Variants in PCDHA7 observed in about 807,000 individuals in gnomAD.
The protein encoded by PCDHA7 is protocadherin alpha 7, also known as protocadherin alpha-7.
In PCDHA7, 37 loss-of-function variants were observed where a neutral mutation model predicts 57.2. That is an observed-to-expected ratio of 0.65 (90% CI 0.50 to 0.85). PCDHA7 has a LOEUF of 0.85. PCDHA7 is among the 40% of genes least tolerant of loss of function. PCDHA7 has a pLI of 0.00. For missense variants in PCDHA7, 1,188 were observed against 1,241.8 expected (o/e 0.96, Z 0.65); for synonymous variants, 553 against 558.8 (o/e 0.99, Z 0.15).
At chr5:140,880,620 A>C (rs2058397773) in intron 1 of PCDHA7, among the ~76,000 whole-genome samples, 1 of 152,170 alleles carries the variant, frequency 6.6e-6, no homozygotes, top group Non-Finnish European at 1.5e-5. Context: ...AAGAGGGAGG[A>C]GTTAATTATC....
chr5:140,875,356 G>C (rs2055432006), intron 1 of PCDHA7: 5 of 1,446,352 alleles, frequency 3.5e-6, no homozygotes, highest in Admixed American at 5.7e-5. Context: ...TGACTGTGAT[G>C]CTGGAAAAAA....
intron 1 of PCDHA7, among the ~76,000 whole-genome samples, chr5:140,942,450 C>A (rs1017198131): frequency 6.6e-6 from 1 of 151,378 alleles, no homozygotes; most frequent in African/African-American, 2.4e-5. Flanking sequence ...AGTAAACTAT[C>A]AATTATAATA....
At chr5:140,955,401 A>T (rs1202478496) in intron 1 of PCDHA7, among the ~76,000 whole-genome samples, 2 of 152,122 alleles carry the variant, frequency 1.3e-5, no homozygotes, top group African/African-American at 4.8e-5. Flanking sequence ...TATCCCATAC[A>T]GTTCTCATGA....
In PCDHA7 at chr5:140,858,295, G is replaced by T. The variant is rs190932191; in HGVS notation, c.2355+21557G>T. 8.8e-5 allele frequency: 140 copies of T among 1,597,360 alleles called. 13 individuals are homozygous for T. Among genetic ancestry groups the T allele is most frequent in the African/African-American group, 2.6e-4 (19 of 74,394 alleles). The stretch of plus-strand genomic sequence containing the variant: ...GCGCGGTGGGGAGCTGGTCTTACTC[G>T]CAGCAGAGGCGGCAGAGGGTGTGTT... On this transcript the variant is annotated intron_variant, in intron 1 of 3. Transcript: ENST00000525929.
intron 1 of PCDHA7, among the ~76,000 whole-genome samples, chr5:140,955,070 G>A (rs755676357): frequency 2.2e-4 from 34 of 152,166 alleles, no homozygotes; most frequent in Non-Finnish European, 4.1e-4. Context: ...GTTTGTTGAA[G>A]ATCAGATGGT....
intron 3 of PCDHA7, among the ~76,000 whole-genome samples, chr5:140,987,258 G>A (rs1292743876): frequency 6.6e-6 from 1 of 151,918 alleles, no homozygotes; most frequent in Non-Finnish European, 1.5e-5. Context: ...ACATTCTCAG[G>A]AATGGGACCC....
intron 1 of PCDHA7, among the ~76,000 whole-genome samples, chr5:140,906,837 A>C (rs543572104): frequency 2.0e-4 from 31 of 152,292 alleles, no homozygotes; most frequent in African/African-American, 7.5e-4. Flanking sequence ...GACTGATTTC[A>C]TCTTGAGAGT....
rs371868883 is a variant in PCDHA7 at position 140,856,649 on chromosome 5, C to A, written c.2355+19911C>A. ...GCTTGTTCTGCGGAAGCTGCTGGAT[C>A]GTGAAGAAAATCCTCAGCTAAAGTT... On this transcript the variant is annotated intron_variant, in intron 1 of 3. Transcript: ENST00000525929. 8 of 1,598,072 alleles carry A rather than the reference C, an allele frequency of 5.0e-6. 2 individuals carry two copies. The African/African-American group carries it at 6.7e-5, about 13-fold the overall frequency.
At position 140,836,224 on chromosome 5, in the gene PCDHA7, T is replaced by A; in HGVS notation, c.1841T>A (p.Val614Glu). ...NAWLSYELQPVAAGASIPFRV... is the reference protein window; with the variant it reads ...NAWLSYELQPEAAGASIPFRV... ...TGGCTTTCGTATGAGTTGCAACCGG[T>A]GGCGGCCGGTGCGAGCATCCCGTTC... Residue 614 changes from valine to glutamate, a missense_variant, in exon 1 of 4, where the codon GTG becomes GAG. By Grantham distance (121) the Val-to-Glu change is moderately radical. Around this residue, in one of 3 missense-constraint regions of PCDHA7, gnomAD observed 892 missense variants for 788.5 expected, o/e 1.13. Coordinates refer to ENST00000525929, the MANE Select transcript of PCDHA7 (RefSeq NM_018910.3). 6.2e-7 allele frequency: 1 copy of A among 1,613,758 alleles called. No homozygotes were observed. The highest frequency in any genetic ancestry group is 8.5e-7 in the Non-Finnish European group (1 of 1,179,794).
At chr5:140,854,883 G>A (rs1356000756) in intron 1 of PCDHA7, among the ~76,000 whole-genome samples, 2 of 149,592 alleles carry the variant, frequency 1.3e-5, no homozygotes, top group Admixed American at 1.3e-4. Flanking sequence ...TGTCTTTTGG[G>A]CATTTGAAAA....
intron 1 of PCDHA7, chr5:140,871,184 A>G (rs2052793987): frequency 6.2e-7 from 1 of 1,613,434 alleles, no homozygotes; most frequent in African/African-American, 1.3e-5. Context: ...GCGCTGGTGG[A>G]TGTCAACGTG....
chr5:140,886,847 AG>A lies in PCDHA7; in HGVS notation c.2355+50110del, dbSNP rs1299329603. ...GTCTTGAAAAAAAAAAAAAAAAAAA[AG>A]AAAGGTCTTCCCAACTCCTATATTG... On this transcript the variant is annotated intron_variant, in intron 1 of 3. Transcript: ENST00000525929. Among the ~76,000 whole-genome samples the A allele has an allele frequency of 2.2e-3, 339 of 151,134 alleles. 4 individuals are homozygous for A. Among genetic ancestry groups the A allele is most frequent in the African/African-American group, 7.8e-3 (323 of 41,170 alleles).
chr5:140,876,154 A>G, intron 1 of PCDHA7: 1 of 1,613,972 alleles, frequency 6.2e-7, no homozygotes, highest in Non-Finnish European at 8.5e-7. Context: ...GTCTGTCCAG[A>G]TTCAAATAAC....
chr5:140,966,206 T>C, intron 1 of PCDHA7: 1 of 227,662 alleles, frequency 4.4e-6, no homozygotes, highest in Non-Finnish European at 8.5e-6. Context: ...GCTTGACTGC[T>C]TTTCCCAGAC....
chr5:140,836,843 ATAAT>A, intron 1 of PCDHA7, 105 bp downstream of exon 1: 1 of 826,772 alleles, frequency 1.2e-6, no homozygotes, highest in Non-Finnish European at 1.8e-6. Context: ...AGCTTTATGT[ATAAT>A]TATTATTTTT....
intron 1 of PCDHA7, among the ~76,000 whole-genome samples, chr5:140,975,280 T>C (rs914764307): frequency 6.6e-6 from 1 of 152,252 alleles, no homozygotes; most frequent in Non-Finnish European, 1.5e-5. Flanking sequence ...CTCTGACCTC[T>C]AGACCCAGAT....
intron 1 of PCDHA7, among the ~76,000 whole-genome samples, chr5:140,878,596 G>A (rs1352519824): frequency 6.6e-6 from 1 of 152,144 alleles, no homozygotes; most frequent in South Asian, 2.1e-4. Context: ...CTATTACCAA[G>A]TGAATCTTCT....
intron 1 of PCDHA7, chr5:140,842,500 C>T: frequency 1.9e-6 from 3 of 1,613,834 alleles, no homozygotes; most frequent in Middle Eastern, 1.6e-4. Context: ...TGCCCCATGT[C>T]CCCTTCAAGC....
At chr5:140,940,080 T>C (rs1213223425) in intron 1 of PCDHA7, among the ~76,000 whole-genome samples, 3 of 152,248 alleles carry the variant, frequency 2.0e-5, no homozygotes, top group African/African-American at 7.2e-5. Flanking sequence ...GATATCTTTC[T>C]GCTAAATTGA....
Sources: gnomAD v4.1 joint callset for allele counts (sites outside exome capture counted in the v4.1 genomes callset) on GRCh38, gnomAD v4.1.1 for gene constraint, gnomAD v4.1.1 regional missense constraint, MANE v1.5 for transcripts, NCBI Gene and HGNC (gene_info 2026-07-23, HGNC 2026-07-21) for gene names.